Variants in IKZF1 observed in about 807,000 individuals in gnomAD.
IKZF1 encodes DNA-binding protein Ikaros.
Under a neutral mutation model 51.7 loss-of-function variants are expected in IKZF1, and 10 were observed. The observed-to-expected ratio is 0.19, with a 90% CI of 0.12 to 0.33. The LOEUF (loss-of-function observed/expected upper bound fraction) is 0.33. Ranked by LOEUF, IKZF1 falls within the 10% of genes least tolerant of loss-of-function variation. The probability of loss-of-function intolerance (pLI) is 1.00; values close to 1 mark genes in which losing one functional copy is unlikely to be tolerated. For synonymous variants in IKZF1, 280 were observed against 282.3 expected, an observed-to-expected ratio of 0.99 and a Z score of 0.08; for missense variants, 484 against 707.5, an observed-to-expected ratio of 0.68 and a Z score of 3.58.
chr7:50,360,050 C>T (rs1039239149), intron 3 of IKZF1, among the ~76,000 whole-genome samples: 6 of 152,146 alleles, frequency 3.9e-5, no homozygotes, highest in Admixed American at 6.5e-5. Flanking sequence ...TGGCCGAGAG[C>T]GGCGGGATTA....
intron 3 of IKZF1, among the ~76,000 whole-genome samples, chr7:50,347,983 T>C (rs1006946192): frequency 2.0e-5 from 3 of 152,150 alleles, no homozygotes; most frequent in African/African-American, 4.8e-5. Flanking sequence ...AGGCCCACTT[T>C]GCAAGGTACA....
chr7:50,378,040 C>G (rs1810809913), intron 4 of IKZF1, among the ~76,000 whole-genome samples: 1 of 152,038 alleles, frequency 6.6e-6, no homozygotes, highest in Non-Finnish European at 1.5e-5. Flanking sequence ...TGGGGGCGAA[C>G]AAAAATATGT....
intron 4 of IKZF1, among the ~76,000 whole-genome samples, chr7:50,377,923 GA>G (rs1810759545): frequency 1.3e-5 from 2 of 152,000 alleles, no homozygotes; most frequent in Non-Finnish European, 2.9e-5. Context: ...AACCCAAGAG[GA>G]AAAAAATAGT....
At chr7:50,309,580 T>C (rs999290374) in intron 1 of IKZF1, among the ~76,000 whole-genome samples, 2 of 152,198 alleles carry the variant, frequency 1.3e-5, no homozygotes, top group Admixed American at 1.3e-4. Context: ...ATTTTTATGC[T>C]CCATTTTTGA....
intron 3 of IKZF1, chr7:50,328,908 C>G (rs1486240569): frequency 1.3e-5 from 2 of 151,972 alleles, no homozygotes; most frequent in African/African-American, 4.8e-5. Context: ...CCTGTCTCTA[C>G]TAAAAATACA....
chr7:50,373,102 T>C (rs894379138), intron 3 of IKZF1, among the ~76,000 whole-genome samples: 1 of 152,226 alleles, frequency 6.6e-6, no homozygotes, highest in Non-Finnish European at 1.5e-5. Flanking sequence ...TGAGAACATC[T>C]GTGATATCTA....
intron 3 of IKZF1, among the ~76,000 whole-genome samples, chr7:50,375,678 A>G (rs1002285023): frequency 1.3e-5 from 2 of 150,812 alleles, no homozygotes; most frequent in Non-Finnish European, 3.0e-5. Flanking sequence ...TGGTCATTGT[A>G]TTCAAGACAC....
intron 6 of IKZF1, among the ~76,000 whole-genome samples, chr7:50,391,035 T>C (rs1187019812): frequency 6.6e-6 from 1 of 152,202 alleles, no homozygotes; most frequent in Non-Finnish European, 1.5e-5. Context: ...CAATAACTGA[T>C]GTAAATATAG....
At chr7:50,393,503 C>G (rs1309607270) in intron 7 of IKZF1, among the ~76,000 whole-genome samples, 1 of 151,994 alleles carries the variant, frequency 6.6e-6, no homozygotes. Flanking sequence ...AAATAGGGCT[C>G]CATTTTGACC....
intron 4 of IKZF1, among the ~76,000 whole-genome samples, chr7:50,381,237 T>C (rs941529773): frequency 6.6e-6 from 1 of 152,238 alleles, no homozygotes; most frequent in Non-Finnish European, 1.5e-5. Context: ...TGCTGTCTTC[T>C]TTACCATAAT....
chr7:50,347,627 TTGTC>T, intron 3 of IKZF1, among the ~76,000 whole-genome samples: 1 of 152,294 alleles, frequency 6.6e-6, no homozygotes, highest in South Asian at 2.1e-4. Context: ...ATAAGTAGCT[TTGTC>T]TGTCCAATTT....
At chr7:50,346,107 G>A (rs537391352) in intron 3 of IKZF1, among the ~76,000 whole-genome samples, 3 of 152,318 alleles carry the variant, frequency 2.0e-5, no homozygotes, top group Middle Eastern at 3.4e-3. Flanking sequence ...TTCTAGTGCA[G>A]ACAACTTCAT....
At chr7:50,350,436 G>A (rs1205043741) in intron 3 of IKZF1, among the ~76,000 whole-genome samples, 1 of 152,186 alleles carries the variant, frequency 6.6e-6, no homozygotes, top group African/African-American at 2.4e-5. Context: ...GAACTGAACA[G>A]GTAGCATTTC....
At chr7:50,373,238 G>A (rs369175683) in intron 3 of IKZF1, among the ~76,000 whole-genome samples, 4 of 152,202 alleles carry the variant, frequency 2.6e-5, no homozygotes, top group African/African-American at 4.8e-5. Context: ...CCCAAAGGTC[G>A]TGTCCAATGC....
At chr7:50,346,501 G>C (rs764039522) in intron 3 of IKZF1, among the ~76,000 whole-genome samples, 1 of 152,204 alleles carries the variant, frequency 6.6e-6, no homozygotes, top group Non-Finnish European at 1.5e-5. Context: ...TGGCTAAAGT[G>C]TGTTGGTTTC....
Position 50,314,831 on chromosome 7 carries a change from T to C in IKZF1, c.-14-4217T>C, listed in dbSNP as rs1006329580. Among the ~76,000 whole-genome samples the C allele has an allele frequency of 3.9e-5, 6 of 152,332 alleles. 1 individual carries two copies. The East Asian group carries it at 7.7e-4, about 20-fold the overall frequency. On this transcript the variant is annotated intron_variant, in intron 1 of 7. Transcript: ENST00000331340. ...CAGAATGAGTTCACTTCCCAGCCAG[T>C]CTTGCCAAGGCTCCTCACCTGGAAG...
intron 3 of IKZF1, among the ~76,000 whole-genome samples, chr7:50,350,063 G>A (rs1366014891): frequency 6.6e-6 from 1 of 152,240 alleles, no homozygotes; most frequent in East Asian, 1.9e-4. Context: ...GGGAAGAGGG[G>A]CAGCAGGGTG....
intron 6 of IKZF1, among the ~76,000 whole-genome samples, chr7:50,391,054 A>G (rs1263012059): frequency 1.3e-5 from 2 of 152,264 alleles, no homozygotes; most frequent in Non-Finnish European, 1.5e-5. Context: ...AGATCCAGCT[A>G]TGCAGGATAC....
chr7:50,337,074 C>T lies in IKZF1; in HGVS notation c.160+9317C>T, dbSNP rs991752625. ...GGGTTGGCGGTGGGTTTCCCACAAG[C>T]GGCTCGGTAGGATTGGGGCAAAACC... On this transcript the variant is annotated intron_variant, in intron 3 of 7. Coordinates refer to ENST00000331340, the MANE Select transcript of IKZF1 (RefSeq NM_006060.6). Among the ~76,000 whole-genome samples the T allele has an allele frequency of 5.3e-5, 8 of 151,902 alleles. 1 individual carries two copies. The South Asian group carries it at 8.3e-4, about 16-fold the overall frequency.
Sources: gnomAD v4.1 joint callset for allele counts (sites outside exome capture counted in the v4.1 genomes callset) on GRCh38, gnomAD v4.1.1 for gene constraint, MANE v1.5 for transcripts, NCBI Gene and HGNC (gene_info 2026-07-23, HGNC 2026-07-21) for gene names.